ATXN2: variants seen among roughly 807,000 people sequenced by gnomAD.
ATXN2 encodes ataxin-2.
Under a neutral mutation model 138.6 loss-of-function variants are expected in ATXN2, and 37 were observed. The observed-to-expected ratio is 0.27, with a 90% CI of 0.21 to 0.35. ATXN2 has a LOEUF of 0.35. Ranked by LOEUF, ATXN2 falls within the 10% of genes least tolerant of loss-of-function variation. The probability of loss-of-function intolerance (pLI) is 1.00; values close to 1 mark genes in which losing one functional copy is unlikely to be tolerated. For synonymous variants in ATXN2, 549 were observed against 543.7 expected (o/e 1.01, Z -0.13); for missense variants, 1,216 against 1,480.3 (o/e 0.82, Z 2.93).
intron 6 of ATXN2, among the ~76,000 whole-genome samples, chr12:111,523,354 T>C (rs761526630): frequency 7.2e-5 from 11 of 152,230 alleles, no homozygotes; most frequent in African/African-American, 2.2e-4. Flanking sequence ...AGTGTTTCAA[T>C]TGAATGGTGA....
chr12:111,478,900 T>C (rs531808519), intron 18 of ATXN2, among the ~76,000 whole-genome samples: 3 of 151,844 alleles, frequency 2.0e-5, no homozygotes, highest in South Asian at 2.1e-4. Flanking sequence ...TCCCAGCTAC[T>C]TGGGAGGCTG....
intron 8 of ATXN2, among the ~76,000 whole-genome samples, chr12:111,519,538 G>C (rs1312357623): frequency 6.6e-6 from 1 of 152,122 alleles, no homozygotes; most frequent in Non-Finnish European, 1.5e-5. Flanking sequence ...TCCTCATTCT[G>C]TATGTTCCTA....
At chr12:111,489,207 G>C (rs1042205874) in intron 14 of ATXN2, among the ~76,000 whole-genome samples, 5 of 152,166 alleles carry the variant, frequency 3.3e-5, no homozygotes, top group African/African-American at 1.2e-4. Flanking sequence ...GCTAGTCTAA[G>C]GTGTGAAAGA....
chr12:111,588,347 T>C (rs560594283), intron 1 of ATXN2, among the ~76,000 whole-genome samples: 30 of 152,112 alleles, frequency 2.0e-4, no homozygotes, highest in Admixed American at 3.9e-4. Flanking sequence ...CACAAATAAT[T>C]ACCAGCAAAT....
rs559885388 is a variant in ATXN2 at position 111,577,679 on chromosome 12, C to T, written c.251+21105G>A. ...GGCGTGATGGCTCACACCTGTAATC[C>T]CAGCACTTTGGGAGGTCAAGGTGGG... On this transcript the variant is annotated intron_variant, in intron 1 of 24. Coordinates refer to ENST00000673436, the MANE Select transcript of ATXN2 (RefSeq NM_001372574.1). Among the ~76,000 whole-genome samples the T allele has an allele frequency of 1.0e-3, 157 of 152,212 alleles. 1 individual carries two copies. The highest frequency in any genetic ancestry group is 1.8e-3 in the Non-Finnish European group (125 of 68,006).
At position 111,485,825 on chromosome 12, in the gene ATXN2, G is replaced by A. The variant is rs1473391477; in HGVS notation, c.2345C>T (p.Ala782Val). Reference sequence around the variant, plus strand: ...ACCCACCATAGATGGGCTAGGTTGTGCTTGAGGCCGAGGTGAAGTTGGGGT... The same window carrying A: ...ACCCACCATAGATGGGCTAGGTTGTACTTGAGGCCGAGGTGAAGTTGGGGT... Reference protein sequence around the residue: ...STTPTSPRPQAQPSPSMVGHQ... With the variant: ...STTPTSPRPQVQPSPSMVGHQ... Residue 782 changes from alanine (A) to valine (V), a missense_variant, in exon 17 of 25, where the codon GCA becomes GTA. Around this residue, in one of 4 missense-constraint regions of ATXN2, gnomAD observed 490 missense variants for 653.5 expected, o/e 0.75. Coordinates refer to ENST00000673436, the MANE Select transcript of ATXN2 (RefSeq NM_001372574.1). 6.2e-7 allele frequency: 1 copy of A among 1,614,030 alleles called. No individual in the cohort carries two copies. Among genetic ancestry groups the A allele is most frequent in the Non-Finnish European group, 8.5e-7 (1 of 1,180,010 alleles).
chr12:111,577,780 T>C (rs908214733), intron 1 of ATXN2, among the ~76,000 whole-genome samples: 2 of 151,576 alleles, frequency 1.3e-5, no homozygotes, highest in Admixed American at 6.6e-5. Context: ...AAAAGAGCAT[T>C]GGTCAACAGT....
chr12:111,534,508 G>C (rs1319456179), intron 5 of ATXN2, among the ~76,000 whole-genome samples: 1 of 152,004 alleles, frequency 6.6e-6, no homozygotes, highest in Non-Finnish European at 1.5e-5. Flanking sequence ...CACCATGGTT[G>C]GGGGGGACGC....
intron 5 of ATXN2, among the ~76,000 whole-genome samples, chr12:111,543,934 C>T (rs561147685): frequency 1.3e-5 from 2 of 152,076 alleles, no homozygotes; most frequent in South Asian, 4.2e-4. Flanking sequence ...AAAAATTAGC[C>T]GGGCATAGCG....
intron 11 of ATXN2, 148 bp from the exon 12 acceptor site, chr12:111,510,730 A>T (rs1879457857): frequency 1.5e-6 from 1 of 659,550 alleles, no homozygotes; most frequent in Non-Finnish European, 2.3e-6. Context: ...CTTTTCCAAA[A>T]TGTTAGGAAT....
At chr12:111,528,926 G>A (rs1180317073) in intron 5 of ATXN2, among the ~76,000 whole-genome samples, 1 of 152,054 alleles carries the variant, frequency 6.6e-6, no homozygotes, top group Non-Finnish European at 1.5e-5. Context: ...GTTTTACAGT[G>A]GTTACAAGTT....
At chr12:111,522,071 G>T (rs920032320) in intron 6 of ATXN2, among the ~76,000 whole-genome samples, 1 of 151,998 alleles carries the variant, frequency 6.6e-6, no homozygotes, top group Non-Finnish European at 1.5e-5. Flanking sequence ...GGCTTGCCTC[G>T]AAGTTCACCT....
At chr12:111,545,933 C>A (rs1402556284) in intron 5 of ATXN2, among the ~76,000 whole-genome samples, 1 of 150,342 alleles carries the variant, frequency 6.7e-6, no homozygotes, top group Non-Finnish European at 1.5e-5. Flanking sequence ...TCACTGCACT[C>A]CAGCCTGGGC....
In ATXN2 at chr12:111,485,199, T is replaced by G. The variant is rs77015939; in HGVS notation, c.2524+66A>C. 1,476 of 1,451,518 alleles carry G rather than the reference T, an allele frequency of 1.0e-3. 13 individuals carry two copies. In the African/African-American group the frequency reaches 0.02, roughly 19 times the overall value. The allele number at this position is 1,451,518 out of a possible 1,614,324, so 89.9% of individuals were successfully genotyped here. ...CTAAACTACAACTATTTATTCATTA[T>G]AAACTTAGTTACTCAATTCATGCAG... On this transcript the variant is annotated intron_variant, in intron 18 of 24. Transcript: ENST00000673436.
chr12:111,557,281 G>C (rs1882445303), intron 1 of ATXN2, among the ~76,000 whole-genome samples: 1 of 152,186 alleles, frequency 6.6e-6, no homozygotes, highest in African/African-American at 2.4e-5. Context: ...ATCCCTAGAA[G>C]AGTACTCTTA....
intron 14 of ATXN2, among the ~76,000 whole-genome samples, chr12:111,492,452 G>C (rs963975783): frequency 1.3e-5 from 2 of 152,214 alleles, no homozygotes; most frequent in Non-Finnish European, 2.9e-5. Context: ...GAGAGGCCAA[G>C]GCGGACAGAT....
intron 1 of ATXN2, among the ~76,000 whole-genome samples, chr12:111,584,989 ACTT>A (rs562761748): frequency 1.1e-4 from 16 of 151,976 alleles, no homozygotes; most frequent in Non-Finnish European, 2.2e-4. Context: ...GCATCCTAAC[ACTT>A]CTTATTCTTT....
intron 1 of ATXN2, among the ~76,000 whole-genome samples, chr12:111,578,486 C>A (rs891671900): frequency 6.6e-6 from 1 of 152,042 alleles, no homozygotes; most frequent in Non-Finnish European, 1.5e-5. Flanking sequence ...TGTTCAGTAC[C>A]GCAACATGCT....
At chr12:111,512,321 G>A (rs1414410747) in intron 11 of ATXN2, among the ~76,000 whole-genome samples, 1 of 151,892 alleles carries the variant, frequency 6.6e-6, no homozygotes, top group Non-Finnish European at 1.5e-5. Flanking sequence ...TTGTTTGTTT[G>A]TTTGTTTTAA....
Sources: allele counts gnomAD v4.1 joint callset (sites outside exome capture counted in the v4.1 genomes callset), GRCh38; gene constraint gnomAD v4.1.1; regional missense constraint gnomAD v4.1.1; transcripts MANE v1.5; gene names NCBI Gene and HGNC (gene_info 2026-07-23, HGNC 2026-07-21).